The following GPR155 variants were observed in gnomAD, a reference collection of about 807,000 sequenced individuals.
The protein encoded by GPR155 is G protein-coupled receptor 155, also known as lysosomal cholesterol signaling protein.
In GPR155, 65 loss-of-function variants were observed where a neutral mutation model predicts 93.1. The ratio of observed to expected loss-of-function variants is 0.70; its 90% CI spans 0.57 to 0.86. GPR155 has a LOEUF of 0.86. Among genes scored for constraint, GPR155 ranks in the 40% least tolerant of loss-of-function variants. The pLI is 0.00. For missense variants in GPR155, 838 were observed against 1,034.8 expected (o/e 0.81, Z 2.61); for synonymous variants, 319 against 360.1 (o/e 0.89, Z 1.29).
At chr2:174,469,138 G>A (rs994593839) in intron 4 of GPR155, 71 bp from the exon 5 acceptor site, 62 of 1,318,994 alleles carry the variant, frequency 4.7e-5, no homozygotes, top group Middle Eastern at 1.8e-4. Flanking sequence ...AAATAACCAC[G>A]GCACACTAAA....
At chr2:174,480,095 A>G (rs1179123004) in intron 2 of GPR155, among the ~76,000 whole-genome samples, 1 of 152,198 alleles carries the variant, frequency 6.6e-6, no homozygotes, top group African/African-American at 2.4e-5. Context: ...AAAGGATAAA[A>G]CTGCTAGGTA....
chr2:174,468,647 C>T (rs1443095092), intron 5 of GPR155, among the ~76,000 whole-genome samples: 1 of 152,140 alleles, frequency 6.6e-6, no homozygotes, highest in Non-Finnish European at 1.5e-5. Flanking sequence ...TAAGGTAACT[C>T]CACAGAGGCA....
rs546752404 is a variant in GPR155 at position 174,437,117 on chromosome 2, G to T, written c.2313-701C>A. 3.9e-5 allele frequency among the ~76,000 whole-genome samples: 6 copies of T among 152,312 alleles called. No individual in the cohort carries two copies. The South Asian group carries it at 1.2e-3, about 32-fold the overall frequency. On this transcript the variant is annotated intron_variant, in intron 15 of 15. Coordinates refer to ENST00000392552, the MANE Select transcript of GPR155 (RefSeq NM_152529.7). Reference sequence around the variant, plus strand: ...TATCTTCCTGATGCAAATATGGGATGTCTTAAGTATGTACAAATAAACAAA... The same window carrying T: ...TATCTTCCTGATGCAAATATGGGATTTCTTAAGTATGTACAAATAAACAAA...
intron 11 of GPR155, among the ~76,000 whole-genome samples, chr2:174,453,041 A>G (rs184377680): frequency 6.6e-6 from 1 of 152,342 alleles, no homozygotes; most frequent in East Asian, 1.9e-4. Flanking sequence ...TTAAGAACTA[A>G]TTAATTAGTC....
intron 13 of GPR155, among the ~76,000 whole-genome samples, chr2:174,444,486 C>CTT (rs71024807): frequency 0.078 from 7,030 of 89,642 alleles, 549 homozygotes; most frequent in Middle Eastern, 0.11. Context: ...CCAAAGTGAC[C>CTT]TTTTTTTTTT....
Position 174,481,527 on chromosome 2 carries a change from T to G in GPR155, c.430A>C (p.Ser144Arg), listed in dbSNP as rs749670058. ...GGGTATCCCAATGCAAAGTCATTAC[T>G]TTGTGTAGCAAAAATAGGGAATAGT... The part of the protein sequence containing the change: ...AGLFPIFATQ[S>R]NDFALGYPIV... Residue 144 changes from serine (S) to arginine (R), a missense_variant, in exon 2 of 16, where the codon AGT (serine) becomes CGT (arginine). Coordinates refer to ENST00000392552, the MANE Select transcript of GPR155 (RefSeq NM_152529.7). The G allele has an allele frequency of 6.2e-7, 1 of 1,610,300 alleles. No homozygotes were observed. Among genetic ancestry groups the G allele is most frequent in the Non-Finnish European group, 8.5e-7 (1 of 1,178,750 alleles).
chr2:174,470,833 T>C (rs1327011053), intron 3 of GPR155, among the ~76,000 whole-genome samples: 1 of 152,160 alleles, frequency 6.6e-6, no homozygotes, highest in Non-Finnish European at 1.5e-5. Flanking sequence ...ATAATTTTTG[T>C]TTTTTGCCAA....
intron 13 of GPR155, 115 bp downstream of exon 13, chr2:174,444,966 C>T (rs1687075068): frequency 1.6e-6 from 1 of 622,752 alleles, no homozygotes; most frequent in African/African-American, 1.9e-5. Flanking sequence ...CAAACTAAAT[C>T]CTTTTTATGT....
chr2:174,459,605 G>C (rs1687620532), intron 10 of GPR155, among the ~76,000 whole-genome samples: 1 of 152,230 alleles, frequency 6.6e-6, no homozygotes, highest in Admixed American at 6.5e-5. Context: ...AGCACTGTGG[G>C]AGGCCGAGGC....
intron 2 of GPR155, among the ~76,000 whole-genome samples, chr2:174,480,975 C>A (rs1266851282): frequency 6.6e-5 from 10 of 152,054 alleles, no homozygotes; most frequent in African/African-American, 1.9e-4. Flanking sequence ...GACGAGGTTT[C>A]ACCCTGTTGC....
intron 12 of GPR155, among the ~76,000 whole-genome samples, chr2:174,446,222 G>A (rs773565221): frequency 6.8e-6 from 1 of 147,656 alleles, no homozygotes; most frequent in South Asian, 2.1e-4. Context: ...CAGGAGAATC[G>A]CTTGAACCCG....
intron 10 of GPR155, among the ~76,000 whole-genome samples, chr2:174,454,757 A>G (rs1687447908): frequency 7.4e-6 from 1 of 134,994 alleles, no homozygotes; most frequent in Non-Finnish European, 1.5e-5. Flanking sequence ...GAAGGAAGGG[A>G]GAGGAAGGAA....
At chr2:174,479,716 G>A (rs1007446222) in intron 2 of GPR155, among the ~76,000 whole-genome samples, 4 of 152,126 alleles carry the variant, frequency 2.6e-5, no homozygotes, top group Admixed American at 6.5e-5. Context: ...CTGTGGTGCC[G>A]AGTCAGTTCT....
At chr2:174,479,635 C>G (rs1017951914) in intron 2 of GPR155, among the ~76,000 whole-genome samples, 2 of 152,164 alleles carry the variant, frequency 1.3e-5, no homozygotes, top group African/African-American at 4.8e-5. Context: ...GCTCACTAAT[C>G]TATGGGAGCA....
At chr2:174,471,709 C>T (rs753571937) in intron 3 of GPR155, among the ~76,000 whole-genome samples, 6 of 152,158 alleles carry the variant, frequency 3.9e-5, no homozygotes, top group Admixed American at 3.3e-4. Context: ...TAAAGAACTA[C>T]TCTGATCTGT....
intron 13 of GPR155, among the ~76,000 whole-genome samples, chr2:174,443,128 A>T (rs1268872988): frequency 6.6e-6 from 1 of 152,192 alleles, no homozygotes; most frequent in Non-Finnish European, 1.5e-5. Context: ...GTTCTTAGAT[A>T]CAAAATCAGA....
intron 10 of GPR155, 149 bp from the exon 11 acceptor site, chr2:174,453,990 T>C: frequency 3.3e-6 from 2 of 605,584 alleles, no homozygotes. Context: ...TATCCAAAAG[T>C]ATTCAAATGT....
chr2:174,458,294 C>T lies in GPR155; in HGVS notation c.1771+1584G>A, dbSNP rs80110035. 1.4e-4 allele frequency among the ~76,000 whole-genome samples: 21 copies of T among 152,298 alleles called. No homozygotes were observed. The East Asian group carries it at 4.1e-3, about 29-fold the overall frequency. On this transcript the variant is annotated intron_variant, in intron 10 of 15. Transcript: ENST00000392552. ...TCACTGTGTCCTAGGACCATGGTAA[C>T]TGGAATGTTATATTCAGATCTAAGC... is the stretch of plus-strand genomic sequence containing the variant.
At chr2:174,438,478 TA>T (rs1686856639) in intron 15 of GPR155, among the ~76,000 whole-genome samples, 1 of 152,224 alleles carries the variant, frequency 6.6e-6, no homozygotes, top group Non-Finnish European at 1.5e-5. Context: ...TTCTCTTTTT[TA>T]ATTTTAAAAA....
Sources: allele counts gnomAD v4.1 joint callset (sites outside exome capture counted in the v4.1 genomes callset), GRCh38; gene constraint gnomAD v4.1.1; transcripts MANE v1.5; gene names NCBI Gene and HGNC (gene_info 2026-07-23, HGNC 2026-07-21).